KLRG1: variants seen among roughly 807,000 people sequenced by gnomAD.
KLRG1 encodes killer cell lectin like receptor G1.
In KLRG1, 16 loss-of-function variants were observed where a neutral mutation model predicts 21.8. The ratio of observed to expected loss-of-function variants is 0.73; its 90% CI spans 0.50 to 1.11. The LOEUF is 1.11. Among genes scored for constraint, KLRG1 ranks in the 50% most tolerant of loss-of-function variants. The pLI, the probability that KLRG1 is intolerant of heterozygous loss-of-function variation, is 0.00. For missense variants in KLRG1, 173 were observed against 218.3 expected (o/e 0.79, Z 1.31); for synonymous variants, 69 against 75.9 (o/e 0.91, Z 0.47).
At chr12:9,098,405 T>G in the KLRG1 span, 17 of 311,028 alleles carry the variant, frequency 5.5e-5, no homozygotes, top group Admixed American at 1.5e-4. Context: ...ATTTTGTTTA[T>G]TTTTTTAACT....
the KLRG1 span, among the ~76,000 whole-genome samples, chr12:9,070,163 T>G: frequency 1.1e-4 from 16 of 152,250 alleles, no homozygotes; most frequent in Non-Finnish European, 2.2e-4. Context: ...GTAATACTTA[T>G]AGTTTATGCC....
At chr12:9,027,604 AG>A in the KLRG1 span, 1 of 883,276 alleles carries the variant, frequency 1.1e-6, no homozygotes, top group East Asian at 2.4e-5. Flanking sequence ...GGTTTGGCAA[AG>A]CATTGGCCTC....
the KLRG1 span, chr12:9,074,872 A>G: frequency 7.7e-7 from 1 of 1,290,858 alleles, no homozygotes. Flanking sequence ...TGAAATGAGA[A>G]TTGCATGCCC....
chr12:9,157,078 C>T, the KLRG1 span: 1 of 1,189,034 alleles, frequency 8.4e-7, no homozygotes. Context: ...TGATGCTCTC[C>T]CTCTCCGCAC....
At chr12:9,208,144 A>G in the KLRG1 span, 2 of 696,048 alleles carry the variant, frequency 2.9e-6, no homozygotes, top group Non-Finnish European at 2.5e-6. Flanking sequence ...AATTTCTTAT[A>G]TTTGGAAGGT....
At chr12:9,052,322 G>A in the KLRG1 span, among the ~76,000 whole-genome samples, 3 of 152,144 alleles carry the variant, frequency 2.0e-5, no homozygotes. Flanking sequence ...AAGAAGTTTT[G>A]TAGGTGTTAC....
the KLRG1 span, among the ~76,000 whole-genome samples, chr12:9,099,939 C>T: frequency 2.0e-5 from 3 of 152,222 alleles, no homozygotes; most frequent in African/African-American, 7.2e-5. Context: ...ACACCATGCT[C>T]CTTCAGAAGT....
the KLRG1 span, chr12:9,074,809 T>C: frequency 1.9e-6 from 3 of 1,571,600 alleles, no homozygotes; most frequent in South Asian, 1.2e-5. Flanking sequence ...AAGATATTTA[T>C]AAGTGCCTAC....
At chr12:9,014,729 T>C (rs1040554518), downstream of KLRG1, among the ~76,000 whole-genome samples, 9 of 151,960 alleles carry the variant, frequency 5.9e-5, no homozygotes, top group Admixed American at 2.0e-4. Context: ...ACTGTAATTG[T>C]GGTGCATAAA....
Position 8,975,957 on chromosome 12 carries a change from T to C in KLRG1, c.-155-16249T>C, listed in dbSNP as rs1232206024. ...AATTTTCTTCTATTGTTTTCTTTTC[T>C]TTATTTGATTTATTTTTGCTCTAAT... On this transcript the variant is annotated intron_variant, in intron 1 of 4. Transcript: ENST00000539240. Among the ~76,000 whole-genome samples the C allele has an allele frequency of 2.6e-4, 39 of 152,262 alleles. 1 individual carries two copies. The highest frequency in any genetic ancestry group is 5.9e-5 in the Non-Finnish European group (4 of 68,008).
At chr12:9,026,926 GC>G in the KLRG1 span, among the ~76,000 whole-genome samples, 2 of 151,894 alleles carry the variant, frequency 1.3e-5, no homozygotes, top group African/African-American at 4.8e-5. Flanking sequence ...TGTAATCATG[GC>G]TCACTGTAGC....
the KLRG1 span, chr12:9,197,115 T>C: frequency 2.5e-6 from 4 of 1,602,196 alleles, no homozygotes; most frequent in Non-Finnish European, 3.4e-6. Flanking sequence ...AGGCTTCCCA[T>C]AAGTGTATCT....
the KLRG1 span, chr12:9,028,093 C>T: frequency 8.8e-7 from 1 of 1,133,474 alleles, no homozygotes; most frequent in Non-Finnish European, 1.3e-6. Flanking sequence ...ATTTCAATCA[C>T]TTCAATTTTT....
At chr12:9,038,034 G>A in the KLRG1 span, among the ~76,000 whole-genome samples, 1 of 152,240 alleles carries the variant, frequency 6.6e-6, no homozygotes, top group Admixed American at 6.5e-5. Context: ...CAAGACAGGA[G>A]GATTGCTTGA....
At chr12:9,024,136 T>C in the KLRG1 span, among the ~76,000 whole-genome samples, 2 of 148,232 alleles carry the variant, frequency 1.3e-5, no homozygotes, top group South Asian at 4.5e-4. Context: ...CAAGTGATTC[T>C]CCTGCCTTAT....
the KLRG1 span, chr12:9,072,912 T>C: frequency 1.0e-5 from 16 of 1,552,176 alleles, no homozygotes; most frequent in African/African-American, 5.4e-5. Context: ...TTGGGCATTA[T>C]AAGGCTTTGA....
the KLRG1 span, among the ~76,000 whole-genome samples, chr12:9,096,557 A>G: frequency 3.9e-5 from 6 of 152,242 alleles, no homozygotes; most frequent in Non-Finnish European, 7.3e-5. Flanking sequence ...TTCATATAAT[A>G]CATACAACTT....
At chr12:9,123,502 G>T in the KLRG1 span, among the ~76,000 whole-genome samples, 2,482 of 152,196 alleles carry the variant, frequency 0.016, 68 homozygotes, top group African/African-American at 0.056. Context: ...GCATGGATAC[G>T]CTGGAGAAAG....
At chr12:8,965,813 T>C (rs1426520800) in intron 1 of KLRG1, among the ~76,000 whole-genome samples, 1 of 152,212 alleles carries the variant, frequency 6.6e-6, no homozygotes, top group African/African-American at 2.4e-5. Flanking sequence ...GCAATGACTT[T>C]CTTCACAGAA....
Sources: allele counts gnomAD v4.1 joint callset (sites outside exome capture counted in the v4.1 genomes callset), GRCh38; gene constraint gnomAD v4.1.1; transcripts MANE v1.5; gene names NCBI Gene and HGNC (gene_info 2026-07-23, HGNC 2026-07-21).